The following GNAQ variants were observed in gnomAD, a reference collection of about 807,000 sequenced individuals.
GNAQ encodes guanine nucleotide-binding protein G(q) subunit alpha.
A neutral mutation model predicts 43.9 loss-of-function variants in GNAQ; 8 were observed. That is an observed-to-expected ratio of 0.18 (90% confidence interval 0.11 to 0.33). The LOEUF (loss-of-function observed/expected upper bound fraction) is 0.33. Among genes scored for constraint, GNAQ ranks in the 10% least tolerant of loss-of-function variants. The pLI, the probability that GNAQ is intolerant of heterozygous loss-of-function variation, is 1.00. For synonymous variants in GNAQ, 155 were observed against 170.7 expected (o/e 0.91, Z 0.71); for missense variants, 158 against 450.8 (o/e 0.35, Z 5.88).
At chr9:77,782,990 G>A (rs553512201) in intron 5 of GNAQ, among the ~76,000 whole-genome samples, 2 of 152,288 alleles carry the variant, frequency 1.3e-5, no homozygotes, top group South Asian at 4.1e-4. Context: ...ATGGCAGGGG[G>A]AAGGGAGAAA....
chr9:77,720,144 A>G lies in GNAQ; in HGVS notation c.*1179T>C, dbSNP rs1204807572. 2.1e-5 allele frequency: 5 copies of G among 233,030 alleles called. No individual in the cohort carries two copies. 14.4% of individuals were successfully genotyped at this position (233,030 alleles called of 1,614,324 possible). A position where few individuals can be genotyped will look rare whatever the true frequency, so the allele number is the denominator to read the frequency against. ...ACACTAACAATGTCATCTTAAGGACAAAGAAAAGAATGGACCGTGAGAATC... is the reference window on the plus strand; with the variant it reads ...ACACTAACAATGTCATCTTAAGGACGAAGAAAAGAATGGACCGTGAGAATC... On this transcript the variant is annotated 3_prime_UTR_variant, in exon 7 of 7. Coordinates refer to ENST00000286548, the MANE Select transcript of GNAQ (RefSeq NM_002072.5).
rs372007363 is a variant in GNAQ at position 77,958,432 on chromosome 9, A to G, written c.137-36087T>C. ...GCCAGCCATGAAATGTGCTGCTAAA[A>G]TAACAATAAATGACTTTCATATTCT... On this transcript the variant is annotated intron_variant, in intron 1 of 6. Transcript: ENST00000286548. Among the ~76,000 whole-genome samples the G allele has an allele frequency of 1.1e-4, 16 of 152,350 alleles. No homozygotes were observed. In the East Asian group the frequency reaches 2.7e-3, roughly 26 times the overall value.
intron 2 of GNAQ, among the ~76,000 whole-genome samples, chr9:77,863,559 G>T (rs1486519520): frequency 2.0e-5 from 3 of 152,078 alleles, no homozygotes; most frequent in Admixed American, 6.6e-5. Context: ...CTATTACCCA[G>T]TTCCAAAGTC....
intron 3 of GNAQ, among the ~76,000 whole-genome samples, chr9:77,814,606 A>G (rs748338736): frequency 6.6e-6 from 1 of 152,156 alleles, no homozygotes; most frequent in Admixed American, 6.5e-5. Flanking sequence ...AAGCATGACA[A>G]TTTTACTGAA....
chr9:77,768,215 G>A (rs1225020067), intron 5 of GNAQ, among the ~76,000 whole-genome samples: 1 of 152,102 alleles, frequency 6.6e-6, no homozygotes. Context: ...ACACAAAACT[G>A]CCTTTTAGAA....
intron 1 of GNAQ, among the ~76,000 whole-genome samples, chr9:77,961,843 GGT>G (rs1204881540): frequency 1.3e-5 from 2 of 152,130 alleles, no homozygotes; most frequent in East Asian, 3.9e-4. Flanking sequence ...AACAGGAAAA[GGT>G]GACCCATAAC....
chr9:77,814,047 A>G (rs1826972359), intron 3 of GNAQ, among the ~76,000 whole-genome samples: 1 of 152,162 alleles, frequency 6.6e-6, no homozygotes, highest in Non-Finnish European at 1.5e-5. Flanking sequence ...ATGAATGGGA[A>G]CAGGGAATGA....
At chr9:77,746,770 C>T (rs1206679613) in intron 5 of GNAQ, among the ~76,000 whole-genome samples, 2 of 151,800 alleles carry the variant, frequency 1.3e-5, no homozygotes, top group African/African-American at 4.8e-5. Flanking sequence ...TTTTACCTAC[C>T]ATAATAGAAG....
At chr9:77,851,807 C>T (rs1827678959) in intron 2 of GNAQ, among the ~76,000 whole-genome samples, 1 of 152,168 alleles carries the variant, frequency 6.6e-6, no homozygotes, top group Non-Finnish European at 1.5e-5. Context: ...CTTTTCTTTA[C>T]AGTCCATCGT....
At chr9:77,804,883 T>G (rs1826802398) in intron 3 of GNAQ, among the ~76,000 whole-genome samples, 1 of 152,136 alleles carries the variant, frequency 6.6e-6, no homozygotes, top group South Asian at 2.1e-4. Flanking sequence ...TCGACTTCAT[T>G]TAAAAAAATT....
At chr9:77,797,698 A>G (rs2118457353) in intron 3 of GNAQ, 50 bp from the exon 4 acceptor site, 1 of 1,582,164 alleles carries the variant, frequency 6.3e-7, no homozygotes, top group Non-Finnish European at 8.6e-7. Context: ...ATCACACCAA[A>G]GCTGTCTACG....
chr9:77,967,669 T>A (rs1373437016), intron 1 of GNAQ, among the ~76,000 whole-genome samples: 1 of 151,994 alleles, frequency 6.6e-6, no homozygotes, highest in Admixed American at 6.6e-5. Flanking sequence ...GAAGGAAGAA[T>A]GGGGAGTGAC....
At chr9:78,000,894 T>C (rs992067956) in intron 1 of GNAQ, among the ~76,000 whole-genome samples, 3 of 152,234 alleles carry the variant, frequency 2.0e-5, no homozygotes, top group Non-Finnish European at 2.9e-5. Context: ...AAATATTTAA[T>C]AACCAAACAG....
At chr9:77,867,666 G>A (rs1386499036) in intron 2 of GNAQ, among the ~76,000 whole-genome samples, 6 of 152,170 alleles carry the variant, frequency 3.9e-5, no homozygotes, top group African/African-American at 9.7e-5. Context: ...GCAGCCCTCA[G>A]GAAGAGCAAC....
At chr9:77,913,204 G>T (rs1449568462) in intron 2 of GNAQ, among the ~76,000 whole-genome samples, 1 of 151,954 alleles carries the variant, frequency 6.6e-6, no homozygotes, top group East Asian at 1.9e-4. Context: ...AAGAAATGCA[G>T]ACTTATGTTC....
At chr9:77,975,536 C>CTTTTTTT (rs34636918) in intron 1 of GNAQ, among the ~76,000 whole-genome samples, 1 of 115,276 alleles carries the variant, frequency 8.7e-6, no homozygotes, top group Non-Finnish European at 1.7e-5. Context: ...TCAGCCCCCC[C>CTTTTTTT]TTTTTTTTTT....
intron 5 of GNAQ, among the ~76,000 whole-genome samples, chr9:77,784,731 G>A (rs145945910): frequency 6.6e-6 from 1 of 152,140 alleles, no homozygotes; most frequent in Non-Finnish European, 1.5e-5. Context: ...AACAACGGAC[G>A]TGCATCACTG....
At chr9:77,977,008 T>C (rs1823311247) in intron 1 of GNAQ, among the ~76,000 whole-genome samples, 1 of 152,204 alleles carries the variant, frequency 6.6e-6, no homozygotes, top group Admixed American at 6.5e-5. Context: ...CAATTCCTGA[T>C]AGAGAAATCT....
At chr9:77,864,026 CT>C (rs1827906297) in intron 2 of GNAQ, among the ~76,000 whole-genome samples, 1 of 152,098 alleles carries the variant, frequency 6.6e-6, no homozygotes, top group African/African-American at 2.4e-5. Flanking sequence ...GCTCATAGTT[CT>C]GCAGACTGTA....
Sources: allele counts gnomAD v4.1 joint callset (sites outside exome capture counted in the v4.1 genomes callset), GRCh38; gene constraint gnomAD v4.1.1; transcripts MANE v1.5; gene names NCBI Gene and HGNC (gene_info 2026-07-23, HGNC 2026-07-21).